PBLD: variants seen among roughly 807,000 people sequenced by gnomAD.
PBLD encodes phenazine biosynthesis like protein domain containing, also known as phenazine biosynthesis-like domain-containing protein.
PBLD carries 26 observed loss-of-function variants against 31.3 expected under a neutral mutation model. The ratio of observed to expected loss-of-function variants is 0.83; its 90% CI spans 0.61 to 1.15. The LOEUF is 1.15. Ranked by LOEUF, PBLD falls within the 50% of genes most tolerant of loss-of-function variation. The probability of loss-of-function intolerance (pLI) is 0.00; values close to 1 mark genes in which losing one functional copy is unlikely to be tolerated. For missense variants in PBLD, 307 were observed against 351.7 expected (o/e 0.87, Z 1.02); for synonymous variants, 114 against 129.0 (o/e 0.88, Z 0.79).
At position 68,288,590 on chromosome 10, in the gene PBLD, C is replaced by A; in HGVS notation, c.584G>T (p.Gly195Val). 1 of 1,614,156 alleles carries A rather than the reference C, an allele frequency of 6.2e-7. No individual in the cohort carries two copies. Among genetic ancestry groups the A allele is most frequent in the Non-Finnish European group, 8.5e-7 (1 of 1,180,036 alleles). ...CTCTCCTTTAAGGGTAAGAATAAGC[C>A]CTTTCACCTTCCCTGTGTTTTCAAC... The part of the protein sequence containing the change: ...LQVENTGKVK[G>V]LILTLKGEPG... Residue 195 changes from glycine (G) to valine (V), a missense_variant, in exon 8 of 10, where the codon GGG (glycine) becomes GTG (valine). Physicochemically the swap from Gly to Val is moderately radical, Grantham distance 109 (BLOSUM62 -3). Coordinates refer to ENST00000358769, the MANE Select transcript of PBLD (RefSeq NM_022129.4).
intron 1 of PBLD, among the ~76,000 whole-genome samples, chr10:68,324,941 A>G (rs1438840352): frequency 1.5e-5 from 1 of 65,532 alleles, no homozygotes; most frequent in Non-Finnish European, 2.9e-5. Context: ...AATCAGAACT[A>G]TCTAATTAAA....
At chr10:68,303,113 G>A (rs4746757) in intron 2 of PBLD, among the ~76,000 whole-genome samples, 119,547 of 151,602 alleles carry the variant, frequency 0.79, 47,739 homozygotes, top group Non-Finnish European at 0.86. Flanking sequence ...TCACTCTGTC[G>A]CCCAGGCTGG....
rs138948848 is a variant in PBLD at position 68,289,305 on chromosome 10, A to T, written c.424-286T>A. Among the ~76,000 whole-genome samples, 420 of 152,228 alleles carry T rather than the reference A, an allele frequency of 2.8e-3. 1 individual carries two copies. Among genetic ancestry groups the T allele is most frequent in the African/African-American group, 9.5e-3 (395 of 41,544 alleles). On this transcript the variant is annotated intron_variant, in intron 6 of 9. Coordinates refer to ENST00000358769, the MANE Select transcript of PBLD (RefSeq NM_022129.4). ...CACTTTGGGAGGCTGAGGTAGGTGG[A>T]TCACCTGAGGTCAGGAGCTCGAGAC...
At chr10:68,319,830 A>ATTT (rs200063252) in intron 1 of PBLD, among the ~76,000 whole-genome samples, 1 of 147,102 alleles carries the variant, frequency 6.8e-6, no homozygotes, top group African/African-American at 2.5e-5. Context: ...TTATTTATTT[A>ATTT]TTTTTTTTTT....
intron 3 of PBLD, among the ~76,000 whole-genome samples, 172 bp downstream of exon 3, chr10:68,296,714 C>T (rs1264086912): frequency 6.6e-6 from 1 of 152,194 alleles, no homozygotes; most frequent in East Asian, 1.9e-4. Flanking sequence ...TTTTAAAGTG[C>T]ATATTTAGGC....
chr10:68,310,977 T>C (rs1327879839), intron 1 of PBLD, among the ~76,000 whole-genome samples: 2 of 152,172 alleles, frequency 1.3e-5, no homozygotes, highest in Admixed American at 1.3e-4. Context: ...TTACATTAGC[T>C]TTCAGGTGGG....
At chr10:68,308,161 A>C (rs1380967957) in intron 1 of PBLD, among the ~76,000 whole-genome samples, 1 of 152,230 alleles carries the variant, frequency 6.6e-6, no homozygotes, top group Non-Finnish European at 1.5e-5. Flanking sequence ...ATTGGAAAAC[A>C]CTGTATAGCA....
intron 1 of PBLD, among the ~76,000 whole-genome samples, chr10:68,322,814 A>G (rs1025105847): frequency 2.0e-5 from 3 of 152,020 alleles, no homozygotes; most frequent in Non-Finnish European, 4.4e-5. Context: ...GTGCAGCGGT[A>G]CAATCATAGC....
intron 1 of PBLD, among the ~76,000 whole-genome samples, chr10:68,328,062 C>T (rs1025692442): frequency 2.6e-5 from 4 of 152,152 alleles, no homozygotes; most frequent in African/African-American, 9.7e-5. Context: ...CTGTGTAATT[C>T]AGTCTTGTCT....
At chr10:68,317,365 T>TA (rs2044749179) in intron 1 of PBLD, among the ~76,000 whole-genome samples, 1 of 151,756 alleles carries the variant, frequency 6.6e-6, no homozygotes, top group Non-Finnish European at 1.5e-5. Flanking sequence ...CAAATCAACA[T>TA]AAAAAAACAA....
At position 68,306,853 on chromosome 10, in the gene PBLD, C is replaced by T. The variant is rs2134477153; in HGVS notation, c.-9G>A. The T allele has an allele frequency of 6.2e-7, 1 of 1,602,564 alleles. No homozygotes were observed. Among genetic ancestry groups the T allele is most frequent in the South Asian group, 1.1e-5 (1 of 89,608 alleles). On this transcript the variant is annotated 5_prime_UTR_variant, in exon 2 of 10. Coordinates refer to ENST00000358769, the MANE Select transcript of PBLD (RefSeq NM_022129.4). ...AAAATAGGAAGCTTCATTTTCCTTG[C>T]AAGCTGTTTTTGCAAGTTCTCAAAA...
At chr10:68,309,362 G>A (rs539951259) in intron 1 of PBLD, among the ~76,000 whole-genome samples, 1 of 131,772 alleles carries the variant, frequency 7.6e-6, no homozygotes, top group African/African-American at 3.0e-5. Flanking sequence ...AGCCGAGATT[G>A]TGCCACTACA....
rs1554857189 is a variant in PBLD, at chr10:68,292,051, G to GGA, written c.394-13_394-12insTC. ...ACTTCATGGAAGTCCTAGATGGGGG[G>GGA]AAAAAAAACAAAATTATTATAAAAC... On this transcript the variant is annotated splice_polypyrimidine_tract_variant and intron_variant, in intron 5 of 9. Transcript: ENST00000358769. 3 of 1,591,482 alleles carry GGA rather than the reference G, an allele frequency of 1.9e-6. No homozygotes were observed. The Admixed American group carries it at 5.1e-5, about 27-fold the overall frequency.
At position 68,284,281 on chromosome 10, in the gene PBLD, A is replaced by G; in HGVS notation, c.763T>C (p.Cys255Arg). Residue 255 changes from cysteine to arginine, a missense_variant, in exon 10 of 10, where the codon TGT becomes CGT. By Grantham distance (180) the Cys-to-Arg change is radical (BLOSUM62 -3). Coordinates refer to ENST00000358769, the MANE Select transcript of PBLD (RefSeq NM_022129.4). ...LGKKEMHAFQ[C>R]SHRGGELGIS... is the part of the protein sequence containing the mutation. ...CCCAGCTCTCCTCCTCGGTGGGAAC[A>G]CTGAAAAGCTAAAGAAAACAAACAG... 1 of 1,613,110 alleles carries G rather than the reference A, an allele frequency of 6.2e-7. No homozygotes were observed. The highest frequency in any genetic ancestry group is 8.5e-7 in the Non-Finnish European group (1 of 1,179,138).
intron 1 of PBLD, among the ~76,000 whole-genome samples, chr10:68,323,556 T>C (rs1286609810): frequency 6.6e-6 from 1 of 151,970 alleles, no homozygotes; most frequent in Non-Finnish European, 1.5e-5. Flanking sequence ...TGAGATTCCA[T>C]CTCAAAAAAG....
chr10:68,314,570 C>G (rs1435101741), intron 1 of PBLD, among the ~76,000 whole-genome samples: 1 of 151,742 alleles, frequency 6.6e-6, no homozygotes, highest in African/African-American at 2.4e-5. Context: ...TGGTAATTCC[C>G]TGGAAGACCC....
chr10:68,330,657 T>C (rs2045029978), intron 1 of PBLD, among the ~76,000 whole-genome samples: 1 of 151,896 alleles, frequency 6.6e-6, no homozygotes, highest in African/African-American at 2.4e-5. Context: ...GCCATTCTCC[T>C]GCCTCAGCCT....
intron 4 of PBLD, among the ~76,000 whole-genome samples, chr10:68,294,783 A>G (rs1473538484): frequency 1.3e-5 from 2 of 152,112 alleles, no homozygotes; most frequent in Admixed American, 6.5e-5. Context: ...GCTGGAGTGC[A>G]ATGGCACAAT....
chr10:68,317,398 C>T (rs1420743478), intron 1 of PBLD, among the ~76,000 whole-genome samples: 1 of 152,038 alleles, frequency 6.6e-6, no homozygotes, highest in African/African-American at 2.4e-5. Context: ...ATACAAATGG[C>T]CAATAAGCAC....
Sources: allele counts gnomAD v4.1 joint callset (sites outside exome capture counted in the v4.1 genomes callset), GRCh38; gene constraint gnomAD v4.1.1; transcripts MANE v1.5; gene names NCBI Gene and HGNC (gene_info 2026-07-23, HGNC 2026-07-21).